Variants in MCPH1 observed in about 807,000 individuals in gnomAD.
MCPH1 encodes the protein microcephalin 1.
MCPH1 carries 104 observed loss-of-function variants against 84.5 expected under a neutral mutation model. That is an observed-to-expected ratio of 1.23 (90% CI 1.05 to 1.45). The LOEUF is 1.45. MCPH1 is among the 40% of genes most tolerant of loss of function. The probability of loss-of-function intolerance (pLI) is 0.00; values close to 1 mark genes in which losing one functional copy is unlikely to be tolerated. For missense variants in MCPH1, 1,498 were observed against 1,005.7 expected (o/e 1.49, Z -6.62); for synonymous variants, 514 against 366.8 (o/e 1.40, Z -4.58).
At chr8:6,556,761 G>A (rs1040433228) in intron 12 of MCPH1, among the ~76,000 whole-genome samples, 3 of 151,942 alleles carry the variant, frequency 2.0e-5, no homozygotes, top group Non-Finnish European at 1.5e-5. Context: ...CCACAGCTGC[G>A]TGCCATTGTA....
chr8:6,463,797 C>G (rs1172653420), intron 9 of MCPH1, among the ~76,000 whole-genome samples: 1 of 152,236 alleles, frequency 6.6e-6, no homozygotes, highest in African/African-American at 2.4e-5. Context: ...ATGAGTACTT[C>G]ACTGCTGTAA....
chr8:6,530,177 C>A (rs1490045434), intron 12 of MCPH1, among the ~76,000 whole-genome samples: 1 of 152,014 alleles, frequency 6.6e-6, no homozygotes, highest in Non-Finnish European at 1.5e-5. Flanking sequence ...TTAATCATTA[C>A]TAATTTATTT....
intron 8 of MCPH1, among the ~76,000 whole-genome samples, chr8:6,449,449 C>T (rs1804815899): frequency 6.6e-6 from 1 of 152,088 alleles, no homozygotes; most frequent in South Asian, 2.1e-4. Context: ...ACCTGACCAA[C>T]ATAGTGAAAC....
chr8:6,473,938 C>T, intron 9 of MCPH1: 2 of 1,446,950 alleles, frequency 1.4e-6, no homozygotes, highest in Non-Finnish European at 1.9e-6. Flanking sequence ...GCAGCCGATG[C>T]ACAACTTCTT....
At chr8:6,465,067 C>T (rs1376563143) in intron 9 of MCPH1, among the ~76,000 whole-genome samples, 2 of 151,956 alleles carry the variant, frequency 1.3e-5, no homozygotes, top group African/African-American at 4.8e-5. Flanking sequence ...GATGTGGAGG[C>T]CCAATTTAAA....
chr8:6,551,103 C>T (rs561528086), intron 12 of MCPH1, among the ~76,000 whole-genome samples: 2 of 152,302 alleles, frequency 1.3e-5, no homozygotes, highest in African/African-American at 2.4e-5. Flanking sequence ...TTACCTTCCA[C>T]GGCTCCTGGG....
intron 13 of MCPH1, among the ~76,000 whole-genome samples, chr8:6,641,893 G>C (rs1366442693): frequency 1.3e-5 from 2 of 152,092 alleles, no homozygotes; most frequent in Non-Finnish European, 2.9e-5. Context: ...TATCACAAAT[G>C]TTAGTGTTCC....
At chr8:6,594,152 C>T (rs1391024446) in intron 12 of MCPH1, among the ~76,000 whole-genome samples, 1 of 152,232 alleles carries the variant, frequency 6.6e-6, no homozygotes, top group Non-Finnish European at 1.5e-5. Flanking sequence ...GCTGCAGGGC[C>T]TAGCCTGGCC....
intron 12 of MCPH1, chr8:6,617,031 C>G (rs1028273153): frequency 6.6e-6 from 1 of 152,062 alleles, no homozygotes; most frequent in Admixed American, 6.5e-5. Flanking sequence ...GCAATGCAAA[C>G]GCGCTTGTCT....
intron 12 of MCPH1, among the ~76,000 whole-genome samples, chr8:6,533,569 C>T (rs369045164): frequency 3.3e-3 from 374 of 113,118 alleles, no homozygotes; most frequent in Non-Finnish European, 3.7e-3. Context: ...CGTTTAGTTT[C>T]TTTTTTTTTT....
intron 12 of MCPH1, among the ~76,000 whole-genome samples, chr8:6,524,788 A>C (rs907892332): frequency 2.0e-5 from 3 of 152,234 alleles, no homozygotes; most frequent in Non-Finnish European, 4.4e-5. Context: ...TGTAAATAGA[A>C]GTTATCACAG....
At chr8:6,424,935 C>T (rs1166398032) in intron 3 of MCPH1, among the ~76,000 whole-genome samples, 1 of 152,190 alleles carries the variant, frequency 6.6e-6, no homozygotes, top group East Asian at 1.9e-4. Flanking sequence ...AACACAGTGC[C>T]GTTTACAAAA....
intron 11 of MCPH1, among the ~76,000 whole-genome samples, chr8:6,494,933 A>G (rs1183421511): frequency 6.6e-6 from 1 of 152,224 alleles, no homozygotes; most frequent in East Asian, 1.9e-4. Context: ...TCATATATGG[A>G]AAATAGCTTT....
chr8:6,537,502 C>T (rs535674325), intron 12 of MCPH1, among the ~76,000 whole-genome samples: 51 of 151,668 alleles, frequency 3.4e-4, no homozygotes, highest in Non-Finnish European at 5.6e-4. Context: ...AACTTGGCAG[C>T]GCATCGAAAC....
chr8:6,634,332 T>G (rs1797382236), intron 13 of MCPH1, among the ~76,000 whole-genome samples: 3 of 152,238 alleles, frequency 2.0e-5, no homozygotes, highest in Non-Finnish European at 4.4e-5. Context: ...CGAAACTCAT[T>G]GACGAGTTTG....
chr8:6,503,645 G>A (rs2129563590), intron 12 of MCPH1, among the ~76,000 whole-genome samples: 1 of 152,298 alleles, frequency 6.6e-6, no homozygotes, highest in East Asian at 1.9e-4. Context: ...CCAGCAACAT[G>A]GTGGGCTGGA....
intron 12 of MCPH1, among the ~76,000 whole-genome samples, chr8:6,513,312 AT>A (rs36045217): frequency 0.01 from 1,532 of 146,680 alleles, 28 homozygotes; most frequent in African/African-American, 0.035. Context: ...AAACCTTTTA[AT>A]TTTTTTTTTC....
At chr8:6,568,192 A>C (rs898503778) in intron 12 of MCPH1, among the ~76,000 whole-genome samples, 3 of 151,990 alleles carry the variant, frequency 2.0e-5, no homozygotes, top group Non-Finnish European at 4.4e-5. Context: ...CGCAAACAAG[A>C]AAAGCCAAAG....
intron 12 of MCPH1, among the ~76,000 whole-genome samples, chr8:6,585,331 G>A (rs1186422852): frequency 6.6e-6 from 1 of 152,200 alleles, no homozygotes; most frequent in African/African-American, 2.4e-5. Context: ...TTTCCTGTTT[G>A]AATGAGACAC....
Sources: gnomAD v4.1 joint callset for allele counts (sites outside exome capture counted in the v4.1 genomes callset) on GRCh38, gnomAD v4.1.1 for gene constraint, MANE v1.5 for transcripts, NCBI Gene and HGNC (gene_info 2026-07-23, HGNC 2026-07-21) for gene names.